The following SPRR2G variants were observed in gnomAD, a reference collection of about 807,000 sequenced individuals.
SPRR2G encodes the protein small proline rich protein 2G, also known as small proline-rich protein 2G.
In SPRR2G, 1 loss-of-function variant was observed where a neutral mutation model predicts 0.7. The observed-to-expected ratio is 1.49, with a 90% CI of 0.53 to 7.06. SPRR2G has a LOEUF of 7.06. SPRR2G is among the 30% of genes most tolerant of loss of function. The pLI is 0.14. For synonymous variants in SPRR2G, 38 were observed against 33.9 expected (o/e 1.12, Z -0.42); for missense variants, 96 against 88.5 (o/e 1.09, Z -0.34).
the SPRR2G span, chr1:153,191,480 G>A: frequency 6.6e-6 from 1 of 152,118 alleles, no homozygotes; most frequent in Non-Finnish European, 1.5e-5. Context: ...TACATCTATT[G>A]ATATTTCTTG....
chr1:153,200,029 A>G, the SPRR2G span, among the ~76,000 whole-genome samples: 7 of 152,204 alleles, frequency 4.6e-5, no homozygotes, highest in Admixed American at 1.3e-4. Context: ...TTGCTGATAC[A>G]TAGCATGTCC....
At chr1:153,170,810 C>G in the SPRR2G span, among the ~76,000 whole-genome samples, 11 of 152,338 alleles carry the variant, frequency 7.2e-5, no homozygotes, top group African/African-American at 2.6e-4. Flanking sequence ...TGCCCACCAC[C>G]CTCTGAGAGC....
At chr1:153,173,444 A>G in the SPRR2G span, among the ~76,000 whole-genome samples, 1 of 151,468 alleles carries the variant, frequency 6.6e-6, no homozygotes, top group East Asian at 2.0e-4. Flanking sequence ...AAGGGAAGTC[A>G]AACAGAAAAA....
the SPRR2G span, among the ~76,000 whole-genome samples, chr1:153,170,941 A>G: frequency 6.6e-6 from 1 of 152,190 alleles, no homozygotes; most frequent in East Asian, 1.9e-4. Flanking sequence ...TATCATGGGC[A>G]ACTGACACAG....
chr1:153,154,818 TC>T (rs1169412958), upstream of SPRR2G, among the ~76,000 whole-genome samples: 1 of 152,086 alleles, frequency 6.6e-6, no homozygotes, highest in Non-Finnish European at 1.5e-5. Flanking sequence ...GTCCCACATC[TC>T]ACTAACCCCT....
the SPRR2G span, among the ~76,000 whole-genome samples, chr1:153,178,867 G>A: frequency 6.6e-6 from 1 of 152,090 alleles, no homozygotes; most frequent in South Asian, 2.1e-4. Context: ...TTTCTTAAGT[G>A]TGTGGTATAA....
At chr1:153,161,994 T>C in the SPRR2G span, among the ~76,000 whole-genome samples, 6 of 152,142 alleles carry the variant, frequency 3.9e-5, no homozygotes, top group East Asian at 9.7e-4. Context: ...TGGTGGTGGT[T>C]GTTGTTGTTG....
chr1:153,200,850 C>T, the SPRR2G span, among the ~76,000 whole-genome samples: 7 of 152,068 alleles, frequency 4.6e-5, no homozygotes, highest in African/African-American at 1.7e-4. Flanking sequence ...CAGGCATGCG[C>T]CACCACGCCC....
At chr1:153,193,802 C>T in the SPRR2G span, among the ~76,000 whole-genome samples, 1 of 152,082 alleles carries the variant, frequency 6.6e-6, no homozygotes, top group Non-Finnish European at 1.5e-5. Context: ...CCTCCATATC[C>T]CTTTCTCTCA....
chr1:153,202,908 C>A, the SPRR2G span, among the ~76,000 whole-genome samples: 1 of 152,246 alleles, frequency 6.6e-6, no homozygotes, highest in African/African-American at 2.4e-5. Context: ...CCTGGTCAGG[C>A]CTTTAAAAAA....
chr1:153,179,014 T>G, the SPRR2G span, among the ~76,000 whole-genome samples: 1 of 152,138 alleles, frequency 6.6e-6, no homozygotes, highest in Admixed American at 6.6e-5. Context: ...GGAAATGTAC[T>G]TCAGAGATTT....
the SPRR2G span, among the ~76,000 whole-genome samples, chr1:153,170,317 A>G: frequency 3.1e-4 from 47 of 152,350 alleles, no homozygotes; most frequent in African/African-American, 1.1e-3. Flanking sequence ...CTAGAATTTT[A>G]ATTAAATTAA....
At chr1:153,155,438 C>T (rs2101650257), upstream of SPRR2G, among the ~76,000 whole-genome samples, 1 of 152,324 alleles carries the variant, frequency 6.6e-6, no homozygotes, top group Admixed American at 6.5e-5. Flanking sequence ...TCTCTGGAAT[C>T]CATCTCTCTC....
the SPRR2G span, among the ~76,000 whole-genome samples, chr1:153,192,875 C>T: frequency 6.6e-6 from 1 of 152,210 alleles, no homozygotes; most frequent in Non-Finnish European, 1.5e-5. Flanking sequence ...CTGTCCGGCC[C>T]CAAACCACTG....
At chr1:153,198,260 C>G in the SPRR2G span, among the ~76,000 whole-genome samples, 1 of 152,148 alleles carries the variant, frequency 6.6e-6, no homozygotes, top group East Asian at 1.9e-4. Context: ...AGTAGAAGAC[C>G]GAGCTGAAAG....
chr1:153,171,104 T>C, the SPRR2G span, among the ~76,000 whole-genome samples: 1 of 152,230 alleles, frequency 6.6e-6, no homozygotes, highest in Non-Finnish European at 1.5e-5. Flanking sequence ...CTAGTGTTTA[T>C]TTGTTCACAC....
At chr1:153,168,732 A>C in the SPRR2G span, among the ~76,000 whole-genome samples, 1 of 152,220 alleles carries the variant, frequency 6.6e-6, no homozygotes, top group African/African-American at 2.4e-5. Context: ...GCAATGAAAA[A>C]TCCAAATAAG....
chr1:153,183,172 G>A, the SPRR2G span, among the ~76,000 whole-genome samples: 2 of 138,128 alleles, frequency 1.4e-5, no homozygotes, highest in African/African-American at 5.1e-5. Flanking sequence ...GGGTTCAAGC[G>A]ATTCTTTAAA....
At chr1:153,185,307 A>G in the SPRR2G span, among the ~76,000 whole-genome samples, 12 of 149,878 alleles carry the variant, frequency 8.0e-5, no homozygotes, top group African/African-American at 2.7e-4. Flanking sequence ...TACCTCTGGT[A>G]GAATTTGGCT....
Sources: gnomAD v4.1 joint callset for allele counts (sites outside exome capture counted in the v4.1 genomes callset) on GRCh38, gnomAD v4.1.1 for gene constraint, MANE v1.5 for transcripts, NCBI Gene and HGNC (gene_info 2026-07-23, HGNC 2026-07-21) for gene names.